The following CD163L1 variants were observed in gnomAD, a reference collection of about 807,000 sequenced individuals.
CD163L1 encodes the protein CD163 molecule like 1, also known as scavenger receptor cysteine-rich type 1 protein M160.
A neutral mutation model predicts 165.4 loss-of-function variants in CD163L1; 124 were observed. The ratio of observed to expected loss-of-function variants is 0.75; its 90% confidence interval spans 0.65 to 0.87. The LOEUF (loss-of-function observed/expected upper bound fraction) is 0.87. Ranked by LOEUF, CD163L1 falls within the 40% of genes least tolerant of loss-of-function variation. CD163L1 has a pLI of 0.00. For synonymous variants in CD163L1, 585 were observed against 662.2 expected, an observed-to-expected ratio of 0.88 and a Z score of 1.79; for missense variants, 1,525 against 1,799.9, an observed-to-expected ratio of 0.85 and a Z score of 2.76.
chr12:7,443,991 T>C, intron 1 of CD163L1, 106 bp downstream of exon 1: 1 of 1,102,216 alleles, frequency 9.1e-7, no homozygotes, highest in South Asian at 1.6e-5. Context: ...TGTCCTGTTT[T>C]CTTTTTACCT....
chr12:7,362,098 A>G (rs944974645), intron 18 of CD163L1, among the ~76,000 whole-genome samples: 1 of 148,548 alleles, frequency 6.7e-6, no homozygotes, highest in Non-Finnish European at 1.5e-5. Context: ...TACATGTAAA[A>G]TGGAATATTT....
chr12:7,330,288 C>T, the CD163L1 span, among the ~76,000 whole-genome samples: 2 of 152,174 alleles, frequency 1.3e-5, no homozygotes, highest in African/African-American at 2.4e-5. Flanking sequence ...AACATAGCCA[C>T]CTGTGTGGGA....
the CD163L1 span, among the ~76,000 whole-genome samples, chr12:7,339,453 T>G: frequency 1.3e-5 from 2 of 152,044 alleles, no homozygotes; most frequent in Non-Finnish European, 2.9e-5. Context: ...AAAAAAACAG[T>G]GAGATAAAGA....
chr12:7,427,807 G>T (rs1948570231), intron 4 of CD163L1, among the ~76,000 whole-genome samples: 2 of 152,024 alleles, frequency 1.3e-5, no homozygotes, highest in African/African-American at 2.4e-5. Context: ...GTTTCAGATT[G>T]TCTGTATTTA....
chr12:7,440,151 T>C (rs897973073), intron 2 of CD163L1, among the ~76,000 whole-genome samples: 1 of 152,236 alleles, frequency 6.6e-6, no homozygotes, highest in African/African-American at 2.4e-5. Flanking sequence ...CCGCTCAGGC[T>C]CCGCCGCCTG....
chr12:7,348,350 T>G (rs995536798), intron 4 of CD163L1, among the ~76,000 whole-genome samples: 1 of 152,200 alleles, frequency 6.6e-6, no homozygotes, highest in Admixed American at 6.5e-5. Context: ...TGCACAGACC[T>G]AGCTAAAAAT....
the CD163L1 span, chr12:7,324,642 A>G: frequency 6.3e-7 from 1 of 1,593,508 alleles, no homozygotes; most frequent in African/African-American, 1.3e-5. Flanking sequence ...CATATTTTCA[A>G]GTTCTGTCCA....
intron 1 of CD163L1, among the ~76,000 whole-genome samples, chr12:7,442,240 A>C (rs919409021): frequency 1.3e-5 from 2 of 152,200 alleles, no homozygotes; most frequent in Non-Finnish European, 1.5e-5. Flanking sequence ...TCTTATGGAA[A>C]AGATGAAGTC....
chr12:7,321,232 T>G, the CD163L1 span, among the ~76,000 whole-genome samples: 1 of 152,028 alleles, frequency 6.6e-6, no homozygotes, highest in Non-Finnish European at 1.5e-5. Context: ...CATTTAGAAC[T>G]CAAAAAAGAA....
chr12:7,419,238 A>C (rs775919754), intron 4 of CD163L1, among the ~76,000 whole-genome samples: 2 of 152,194 alleles, frequency 1.3e-5, no homozygotes, highest in Non-Finnish European at 2.9e-5. Context: ...GGTACACCAC[A>C]TAAACAGAAT....
chr12:7,330,682 T>A, the CD163L1 span, among the ~76,000 whole-genome samples: 10 of 152,246 alleles, frequency 6.6e-5, no homozygotes, highest in Admixed American at 4.6e-4. Context: ...GGAGAGAAAA[T>A]GCTATTTAAT....
At chr12:7,345,222 A>G (rs1946661643), downstream of CD163L1, among the ~76,000 whole-genome samples, 1 of 151,834 alleles carries the variant, frequency 6.6e-6, no homozygotes, top group South Asian at 2.1e-4. Flanking sequence ...AAATTACAAC[A>G]TTAAGTCATT....
At chr12:7,343,057 C>A (rs145894554), downstream of CD163L1, among the ~76,000 whole-genome samples, 91 of 152,004 alleles carry the variant, frequency 6.0e-4, no homozygotes, top group African/African-American at 2.1e-3. Flanking sequence ...AAGTGGAAAC[C>A]TCTAGTTAGA....
chr12:7,426,709 G>C (rs1249082594), intron 4 of CD163L1, among the ~76,000 whole-genome samples: 3 of 152,110 alleles, frequency 2.0e-5, no homozygotes, highest in African/African-American at 7.2e-5. Flanking sequence ...TGCATGTTCT[G>C]TACATGTATA....
intron 8 of CD163L1, among the ~76,000 whole-genome samples, chr12:7,389,825 T>TA (rs1947607167): frequency 6.6e-6 from 1 of 151,446 alleles, no homozygotes; most frequent in African/African-American, 2.4e-5. Flanking sequence ...AAAAATAATT[T>TA]AAAAAATTAA....
chr12:7,393,894 C>T (rs1391497080), intron 8 of CD163L1, among the ~76,000 whole-genome samples: 1 of 152,190 alleles, frequency 6.6e-6, no homozygotes, highest in South Asian at 2.1e-4. Flanking sequence ...AGGAGAACTA[C>T]AAACCACTGC....
chr12:7,421,637 GTACACATATACATATATGTACATATATA>G (rs1948435744), intron 4 of CD163L1, among the ~76,000 whole-genome samples: 3 of 94,808 alleles, frequency 3.2e-5, no homozygotes, highest in Non-Finnish European at 5.6e-5. Context: ...ATACATATAT[GTACACATATACATATATGTACATATATA>G]CATATACGTG....
chr12:7,418,008 G>A (rs1038425687), intron 4 of CD163L1, among the ~76,000 whole-genome samples: 7 of 150,924 alleles, frequency 4.6e-5, no homozygotes, highest in Non-Finnish European at 8.8e-5. Flanking sequence ...AGGTAAAAAT[G>A]GCAAATAAGA....
At position 7,367,318 on chromosome 12, in the gene CD163L1, CCTT is replaced by C; in HGVS notation, c.4194_4196del (p.Arg1400del). On this transcript the variant is annotated inframe_deletion, in exon 18 of 20. Coordinates refer to ENST00000313599, the MANE Select transcript of CD163L1 (RefSeq NM_174941.6). ...ATAAATTCTCCTCGAGAGAACCCCT[CCTT>C]CTGGTTGAAACTGAGAATGGATGCT... 6.8e-6 allele frequency: 11 copies of C among 1,612,544 alleles called. No homozygotes were observed. The highest frequency in any genetic ancestry group is 4.4e-5 in the South Asian group (4 of 90,938).
Sources: allele counts gnomAD v4.1 joint callset (sites outside exome capture counted in the v4.1 genomes callset), GRCh38; gene constraint gnomAD v4.1.1; transcripts MANE v1.5; gene names NCBI Gene and HGNC (gene_info 2026-07-23, HGNC 2026-07-21).